Variants in LRRC9 observed in about 807,000 individuals in gnomAD.
LRRC9 encodes the protein leucine-rich repeat-containing protein 9.
LRRC9 carries 122 observed loss-of-function variants against 63.2 expected under a neutral mutation model. The observed-to-expected ratio is 1.93, with a 90% CI of 1.67 to 2.24. The LOEUF (loss-of-function observed/expected upper bound fraction) is 2.24. LRRC9 is among the 30% of genes most tolerant of loss of function. The pLI, the probability that LRRC9 is intolerant of heterozygous loss-of-function variation, is 0.00. For synonymous variants in LRRC9, 366 were observed against 213.1 expected, an observed-to-expected ratio of 1.72 and a Z score of -6.25; for missense variants, 1,071 against 627.7, an observed-to-expected ratio of 1.71 and a Z score of -7.55.
chr14:59,955,796 T>C (rs1007356879), intron 8 of LRRC9, among the ~76,000 whole-genome samples: 2 of 152,216 alleles, frequency 1.3e-5, no homozygotes, highest in African/African-American at 4.8e-5. Flanking sequence ...AATTTCCCTC[T>C]TAACACTGCT....
At chr14:59,934,527 T>C (rs917474016) in intron 6 of LRRC9, among the ~76,000 whole-genome samples, 1 of 152,100 alleles carries the variant, frequency 6.6e-6, no homozygotes, top group Non-Finnish European at 1.5e-5. Context: ...TCTACCAACA[T>C]TGAGACCATC....
rs1430734786 is a variant in LRRC9, at chr14:60,004,879, TATACAC to T, written c.2842+1083_2842+1088del. ...GAAAAGAGAAATATGTATATGTGTG[TATACAC>T]ACACACACACACACACACACTTATC... On this transcript the variant is annotated intron_variant, in intron 21 of 31. Coordinates refer to ENST00000445360, the Ensembl canonical transcript of LRRC9. The surrounding 1 kb of genome is among the most constrained non-coding windows in gnomAD (Gnocchi z 4.8). Among the ~76,000 whole-genome samples, 4 of 52,226 alleles carry T rather than the reference TATACAC, an allele frequency of 7.7e-5. No homozygotes were observed. The highest frequency in any genetic ancestry group is 2.0e-4 in the African/African-American group (4 of 19,924). 34.3% of individuals were successfully genotyped at this position (52,226 alleles called of 152,430 possible).
In LRRC9 at chr14:59,930,209, T is replaced by C. The variant is rs1566781129; in HGVS notation, c.268-709T>C. On this transcript the variant is annotated intron_variant, in intron 3 of 31. Coordinates refer to ENST00000445360, the Ensembl canonical transcript of LRRC9. The surrounding 1 kb of genome is among the most constrained non-coding windows in gnomAD (Gnocchi z 4.9). ...TAATAAAATTGGTCCACTTAGACAC[T>C]ATTGGCTGTGTTGAAATTATAACAT... Among the ~76,000 whole-genome samples the C allele has an allele frequency of 6.6e-6, 1 of 152,048 alleles. No individual in the cohort carries two copies. Among genetic ancestry groups the C allele is most frequent in the African/African-American group, 2.4e-5 (1 of 41,430 alleles).
rs1893855616 is a variant in LRRC9, at chr14:60,051,127, G to T, written c.3991-1938G>T. ...GAGCCAGTGTGCTCCATTGGTGAGG[G>T]ACTCTTCCTAGTCCGGACCTCCTGG... On this transcript the variant is annotated intron_variant, in intron 29 of 31. Coordinates refer to ENST00000445360, the Ensembl canonical transcript of LRRC9. The surrounding 1 kb of genome is among the most constrained non-coding windows in gnomAD (Gnocchi z 4.7). Among the ~76,000 whole-genome samples the T allele has an allele frequency of 6.6e-6, 1 of 151,068 alleles. No individual in the cohort carries two copies. Among genetic ancestry groups the T allele is most frequent in the Non-Finnish European group, 1.5e-5 (1 of 68,040 alleles).
chr14:60,035,054 C>T (rs925817629), intron 29 of LRRC9, among the ~76,000 whole-genome samples: 2 of 151,582 alleles, frequency 1.3e-5, no homozygotes, highest in African/African-American at 4.8e-5. Flanking sequence ...TAAAATGATA[C>T]CACATTGTGG....
chr14:59,975,691 A>G (rs1402812278), intron 13 of LRRC9, among the ~76,000 whole-genome samples: 2 of 152,240 alleles, frequency 1.3e-5, no homozygotes, highest in Non-Finnish European at 2.9e-5. Flanking sequence ...AAATATTAAT[A>G]ATCACATAAA....
At position 59,919,911 on chromosome 14, in the gene LRRC9, G is replaced by C. The variant is rs895929844; in HGVS notation, c.-34+28G>C. 6.6e-6 allele frequency: 1 copy of C among 152,290 alleles called. No individual in the cohort carries two copies. The highest frequency in any genetic ancestry group is 1.5e-5 in the Non-Finnish European group (1 of 68,076). 9.4% of individuals were successfully genotyped at this position (152,290 alleles called of 1,614,324 possible). A position where few individuals can be genotyped will look rare whatever the true frequency, so the allele number is the denominator to read the frequency against. On this transcript the variant is annotated intron_variant, in intron 1 of 31. Transcript: ENST00000445360. The surrounding 1 kb of genome is among the most constrained non-coding windows in gnomAD (Gnocchi z 4.5). The stretch of plus-strand genomic sequence containing the variant: ...AAGTGAAAAGATAAGCGCAGGTACA[G>C]AAAAACCTGCCAGCGAGAAGCTCCC...
Position 60,003,824 on chromosome 14 carries a change from C to A in LRRC9, c.2842+26C>A. 2 of 544,398 alleles carry A rather than the reference C, an allele frequency of 3.7e-6. No homozygotes were observed. Among genetic ancestry groups the A allele is most frequent in the South Asian group, 2.5e-5 (1 of 39,942 alleles). 33.7% of individuals were successfully genotyped at this position (544,398 alleles called of 1,614,324 possible). ...GTAAGGTACTTAAGAACTTTGAAGT[C>A]TCAAAATATGGGATGTCTAAACAAC... On this transcript the variant is annotated intron_variant, in intron 21 of 31. Coordinates refer to ENST00000445360, the Ensembl canonical transcript of LRRC9. The surrounding 1 kb of genome is among the most constrained non-coding windows in gnomAD (Gnocchi z 4.2).
intron 31 of LRRC9, among the ~76,000 whole-genome samples, chr14:60,061,795 G>A (rs1312067270): frequency 6.6e-6 from 1 of 152,118 alleles, no homozygotes; most frequent in African/African-American, 2.4e-5. Context: ...AAATCAAACT[G>A]ATTCACTAGC....
chr14:60,000,016 A>T (rs1011915078), intron 19 of LRRC9, among the ~76,000 whole-genome samples: 3 of 152,244 alleles, frequency 2.0e-5, no homozygotes, highest in Admixed American at 2.0e-4. Context: ...AGCACTATTC[A>T]CAATAGCGAA....
chr14:60,053,206 GTAA>G lies in LRRC9; in HGVS notation c.4131+6_4131+8del, dbSNP rs1381895541. ...TGAACTACAAGCAAAGAAAAACTCG[GTAA>G]TAATTATATTATTTACAATTTTCCT... On this transcript the variant is annotated splice_donor_variant and splice_donor_region_variant and intron_variant, in intron 30 of 31. Coordinates refer to ENST00000445360, the Ensembl canonical transcript of LRRC9. LOFTEE classifies it high-confidence loss of function. This position sits in a 1 kb window ranked among gnomAD's most constrained non-coding sequence, Gnocchi z 4.8. The G allele has an allele frequency of 1.4e-6, 1 of 695,290 alleles. No individual in the cohort carries two copies. Among genetic ancestry groups the G allele is most frequent in the Non-Finnish European group, 2.6e-6 (1 of 381,746 alleles). 43.1% of individuals were successfully genotyped at this position (695,290 alleles called of 1,614,324 possible). A position where few individuals can be genotyped will look rare whatever the true frequency, so the allele number is the denominator to read the frequency against.
At chr14:59,994,816 A>T (rs1888565184) in intron 17 of LRRC9, among the ~76,000 whole-genome samples, 1 of 150,220 alleles carries the variant, frequency 6.7e-6, no homozygotes, top group Non-Finnish European at 1.5e-5. Flanking sequence ...AACAATGAAA[A>T]CACATGGACA....
intron 8 of LRRC9, among the ~76,000 whole-genome samples, chr14:59,955,791 C>T (rs1292370973): frequency 1.3e-5 from 2 of 152,064 alleles, no homozygotes; most frequent in Admixed American, 1.3e-4. Flanking sequence ...CTATAAATTT[C>T]CCTCTTAACA....
At chr14:60,026,656 T>C (rs569943544) in intron 27 of LRRC9, among the ~76,000 whole-genome samples, 2 of 152,080 alleles carry the variant, frequency 1.3e-5, no homozygotes, top group East Asian at 3.9e-4. Context: ...GTCAAGTCCA[T>C]TTTGATTTTA....
At position 59,978,039 on chromosome 14, in the gene LRRC9, CTG is replaced by C; in HGVS notation, c.1788_1789del (p.Cys596Ter). ...TAGATTCTGTCATGGGACAAAGAAA[CTG>C]TGATTGCAGTGTTCGGCAGTGCAAG... is the stretch of plus-strand genomic sequence containing the variant. On this transcript the variant is annotated frameshift_variant, in exon 15 of 32. Coordinates refer to ENST00000445360, the Ensembl canonical transcript of LRRC9. LOFTEE classifies it high-confidence loss of function. 1 of 700,630 alleles carries C rather than the reference CTG, an allele frequency of 1.4e-6. No individual in the cohort carries two copies. Among genetic ancestry groups the C allele is most frequent in the Non-Finnish European group, 2.6e-6 (1 of 383,514 alleles). The allele number at this position is 700,630 out of a possible 1,614,324, so 43.4% of individuals were successfully genotyped here.
chr14:60,018,563 T>C, intron 25 of LRRC9, 84 bp downstream of exon 25: 4 of 514,912 alleles, frequency 7.8e-6, no homozygotes, highest in Non-Finnish European at 1.4e-5. Context: ...ATTTCCATGT[T>C]ATTAAAGTAG....
chr14:59,939,106 CAT>C (rs1326355705), intron 7 of LRRC9, among the ~76,000 whole-genome samples: 2 of 120,588 alleles, frequency 1.7e-5, no homozygotes, highest in African/African-American at 6.5e-5. Flanking sequence ...TATATACACA[CAT>C]ATATATACAT....
rs1283204269 is a variant in LRRC9 at position 60,003,698 on chromosome 14, A to G, written c.2742A>G (p.Ala914=). Residue 914 remains alanine, a synonymous_variant, in exon 21 of 32, where the codon GCA becomes GCG. Transcript: ENST00000445360. The surrounding 1 kb of genome is among the most constrained non-coding windows in gnomAD (Gnocchi z 4.2). ...AAAAATTGGAAAATTTGAAATGGGC[A>G]TCATTCAGCAATAATAATCTCACTA... 1 of 696,972 alleles carries G rather than the reference A, an allele frequency of 1.4e-6. No homozygotes were observed. The highest frequency in any genetic ancestry group is 2.6e-6 in the Non-Finnish European group (1 of 383,186). 43.2% of individuals were successfully genotyped at this position (696,972 alleles called of 1,614,324 possible). A position where few individuals can be genotyped will look rare whatever the true frequency, so the allele number is the denominator to read the frequency against.
At position 59,966,806 on chromosome 14, in the gene LRRC9, GT is replaced by G; in HGVS notation, c.1388+42del. 1.8e-6 allele frequency: 1 copy of G among 554,998 alleles called. No individual in the cohort carries two copies. The highest frequency in any genetic ancestry group is 1.9e-5 in the African/African-American group (1 of 53,520). 34.4% of individuals were successfully genotyped at this position (554,998 alleles called of 1,614,324 possible). A position where few individuals can be genotyped will look rare whatever the true frequency, so the allele number is the denominator to read the frequency against. ...CTTTATGGAACAACTTTACAAAAGTGTGACTGTATTTGTAAAATTTCTATTT... is the reference window on the plus strand; with the variant it reads ...CTTTATGGAACAACTTTACAAAAGTGGACTGTATTTGTAAAATTTCTATTT... On this transcript the variant is annotated intron_variant, in intron 11 of 31. Transcript: ENST00000445360. The surrounding 1 kb of genome is among the most constrained non-coding windows in gnomAD (Gnocchi z 4.0).
Sources: allele counts gnomAD v4.1 joint callset (sites outside exome capture counted in the v4.1 genomes callset), GRCh38; gene constraint gnomAD v4.1.1; non-coding constraint Gnocchi (gnomAD v3.1); transcripts MANE v1.5; gene names NCBI Gene and HGNC (gene_info 2026-07-23, HGNC 2026-07-21).